Variants in CACNA2D1 observed in about 807,000 individuals in gnomAD.
CACNA2D1 encodes voltage-dependent calcium channel subunit alpha-2/delta-1.
Under a neutral mutation model 171.5 loss-of-function variants are expected in CACNA2D1, and 53 were observed. That is an observed-to-expected ratio of 0.31 (90% CI 0.25 to 0.39). The LOEUF is 0.39. CACNA2D1 is among the 10% of genes least tolerant of loss of function. CACNA2D1 has a pLI of 1.00. For synonymous variants in CACNA2D1, 442 were observed against 443.1 expected, an observed-to-expected ratio of 1.00 and a Z score of 0.03; for missense variants, 903 against 1,299.8, an observed-to-expected ratio of 0.69 and a Z score of 4.69.
intron 5 of CACNA2D1, among the ~76,000 whole-genome samples, chr7:82,120,550 T>A (rs1237250499): frequency 1.3e-5 from 2 of 151,980 alleles, no homozygotes; most frequent in African/African-American, 4.8e-5. Context: ...TATTCTGGCA[T>A]ACTGGGATAC....
At chr7:81,989,665 G>T (rs1014427182) in intron 21 of CACNA2D1, among the ~76,000 whole-genome samples, 1 of 152,172 alleles carries the variant, frequency 6.6e-6, no homozygotes. Context: ...GTCAGCTAGT[G>T]AGCATTTTAC....
chr7:82,348,453 T>C (rs755124901), intron 2 of CACNA2D1, among the ~76,000 whole-genome samples: 2 of 152,168 alleles, frequency 1.3e-5, no homozygotes, highest in Non-Finnish European at 2.9e-5. Flanking sequence ...GCCTGCACAG[T>C]GTCTGGGACA....
intron 6 of CACNA2D1, among the ~76,000 whole-genome samples, chr7:82,100,452 A>G (rs1338049309): frequency 6.6e-6 from 1 of 152,144 alleles, no homozygotes; most frequent in Non-Finnish European, 1.5e-5. Context: ...AGATGTGTTC[A>G]TTAAGATGAA....
At chr7:82,366,903 C>CTTTTTTT (rs71093376) in intron 1 of CACNA2D1, among the ~76,000 whole-genome samples, 15 of 86,970 alleles carry the variant, frequency 1.7e-4, no homozygotes, top group Admixed American at 4.8e-4. Flanking sequence ...TGGTTTTGAC[C>CTTTTTTT]TTTTTTTTTT....
intron 3 of CACNA2D1, among the ~76,000 whole-genome samples, chr7:82,266,115 T>C (rs901706906): frequency 6.6e-6 from 1 of 152,196 alleles, no homozygotes; most frequent in Non-Finnish European, 1.5e-5. Context: ...TTCAGTTACC[T>C]TGAAAAAAGC....
At chr7:82,155,603 G>A (rs1794298777) in intron 4 of CACNA2D1, among the ~76,000 whole-genome samples, 1 of 152,050 alleles carries the variant, frequency 6.6e-6, no homozygotes, top group Admixed American at 6.6e-5. Flanking sequence ...GTTCCCTCCT[G>A]GAGCTTCCCA....
chr7:82,043,442 G>A (rs1392496994), intron 10 of CACNA2D1, among the ~76,000 whole-genome samples: 1 of 152,112 alleles, frequency 6.6e-6, no homozygotes, highest in Non-Finnish European at 1.5e-5. Flanking sequence ...CAGCTGTATT[G>A]AGCTTGAAAT....
chr7:82,066,671 C>A, intron 7 of CACNA2D1, 147 bp from the exon 8 acceptor site: 3 of 1,227,242 alleles, frequency 2.4e-6, no homozygotes, highest in Non-Finnish European at 3.3e-6. Context: ...ATTTTTAAGC[C>A]CTTATATTGC....
At chr7:82,315,847 T>A (rs1454159533) in intron 3 of CACNA2D1, among the ~76,000 whole-genome samples, 1 of 152,288 alleles carries the variant, frequency 6.6e-6, no homozygotes, top group African/African-American at 2.4e-5. Context: ...GTAGAATTAA[T>A]CAAAATTTAA....
chr7:82,048,077 CT>C (rs1228535435), intron 10 of CACNA2D1, among the ~76,000 whole-genome samples: 1 of 152,074 alleles, frequency 6.6e-6, no homozygotes, highest in Non-Finnish European at 1.5e-5. Context: ...ATACATCCGC[CT>C]TTTAAGAAAG....
intron 8 of CACNA2D1, 56 bp downstream of exon 8, chr7:82,066,399 C>A: frequency 1.3e-6 from 2 of 1,595,590 alleles, no homozygotes; most frequent in Non-Finnish European, 1.7e-6. Flanking sequence ...GACTTTTTAG[C>A]AAATATATAT....
At chr7:82,095,688 G>A (rs149898517) in intron 6 of CACNA2D1, among the ~76,000 whole-genome samples, 4 of 152,302 alleles carry the variant, frequency 2.6e-5, no homozygotes, top group Non-Finnish European at 5.9e-5. Flanking sequence ...ATGAAAGAGT[G>A]TGTGAATATA....
intron 8 of CACNA2D1, among the ~76,000 whole-genome samples, chr7:82,065,290 G>A (rs1807470240): frequency 6.6e-6 from 1 of 152,128 alleles, no homozygotes; most frequent in South Asian, 2.1e-4. Context: ...GTGGCAGAGT[G>A]GCAGGTGAAT....
At chr7:82,236,331 A>G (rs1307644506) in intron 3 of CACNA2D1, among the ~76,000 whole-genome samples, 1 of 152,100 alleles carries the variant, frequency 6.6e-6, no homozygotes, top group Non-Finnish European at 1.5e-5. Context: ...TGGAAACCAG[A>G]GGGTGATTCC....
At chr7:81,983,941 C>T (rs548503462) in intron 22 of CACNA2D1, among the ~76,000 whole-genome samples, 19 of 152,126 alleles carry the variant, frequency 1.2e-4, no homozygotes, top group South Asian at 2.1e-4. Flanking sequence ...TAGCAATAAT[C>T]GGCAGTGTGC....
chr7:82,298,741 C>G lies in CACNA2D1; in HGVS notation c.294+36394G>C, dbSNP rs188809385. Reference sequence around the variant, plus strand: ...ACCCAGCTCCAAATGTCTAATGAGGCAAGTTTATGTACATATAATTCAATT... The same window carrying G: ...ACCCAGCTCCAAATGTCTAATGAGGGAAGTTTATGTACATATAATTCAATT... On this transcript the variant is annotated intron_variant, in intron 3 of 38. Coordinates refer to ENST00000356860, the MANE Select transcript of CACNA2D1 (RefSeq NM_000722.4). Among the ~76,000 whole-genome samples the G allele has an allele frequency of 1.1e-3, 168 of 152,064 alleles. 1 individual carries two copies. The highest frequency in any genetic ancestry group is 1.8e-3 in the Non-Finnish European group (123 of 67,988).
intron 4 of CACNA2D1, among the ~76,000 whole-genome samples, chr7:82,157,304 T>A (rs542820461): frequency 6.6e-6 from 1 of 152,212 alleles, no homozygotes; most frequent in East Asian, 1.9e-4. Context: ...TGATCTAAAT[T>A]TCTACAACGT....
At chr7:82,332,723 G>T (rs1161558513) in intron 3 of CACNA2D1, among the ~76,000 whole-genome samples, 1 of 152,146 alleles carries the variant, frequency 6.6e-6, no homozygotes, top group African/African-American at 2.4e-5. Context: ...AACCAGGCGG[G>T]GTGCAGTGGC....
chr7:82,336,079 C>T (rs1817959063), intron 2 of CACNA2D1, among the ~76,000 whole-genome samples: 1 of 152,122 alleles, frequency 6.6e-6, no homozygotes, highest in Admixed American at 6.5e-5. Flanking sequence ...GAAGGAAATC[C>T]CTCATGCATC....
Sources: gnomAD v4.1 joint callset for allele counts (sites outside exome capture counted in the v4.1 genomes callset) on GRCh38, gnomAD v4.1.1 for gene constraint, MANE v1.5 for transcripts, NCBI Gene and HGNC (gene_info 2026-07-23, HGNC 2026-07-21) for gene names.